Variants in LARGE1 observed in about 807,000 individuals in gnomAD.
The protein encoded by LARGE1 is xylosyl- and glucuronyltransferase LARGE1.
A neutral mutation model predicts 87.6 loss-of-function variants in LARGE1; 43 were observed. That is an observed-to-expected ratio of 0.49 (90% CI 0.38 to 0.63). LARGE1 has a LOEUF of 0.63. Among genes scored for constraint, LARGE1 ranks in the 30% least tolerant of loss-of-function variants. The probability of loss-of-function intolerance (pLI) is 0.00; values close to 1 mark genes in which losing one functional copy is unlikely to be tolerated. For synonymous variants in LARGE1, 434 were observed against 394.6 expected (o/e 1.10, Z -1.18); for missense variants, 802 against 1,000.2 (o/e 0.80, Z 2.67).
intron 11 of LARGE1, among the ~76,000 whole-genome samples, chr22:33,191,111 G>T (rs1923753591): frequency 6.6e-6 from 1 of 152,112 alleles, no homozygotes. Flanking sequence ...GACAGTTTAT[G>T]TATGTTTGCT....
intron 11 of LARGE1, among the ~76,000 whole-genome samples, chr22:33,257,157 A>C (rs1927335978): frequency 6.6e-6 from 1 of 152,168 alleles, no homozygotes; most frequent in African/African-American, 2.4e-5. Flanking sequence ...GTGAGCTGAG[A>C]TCGCACCATT....
intron 1 of LARGE1, among the ~76,000 whole-genome samples, chr22:33,789,353 G>A (rs1041401687): frequency 6.6e-6 from 1 of 152,228 alleles, no homozygotes; most frequent in Admixed American, 6.5e-5. Flanking sequence ...GGAAATGCCT[G>A]GATGTCCAGG....
At chr22:33,788,073 T>C (rs2085708085) in intron 1 of LARGE1, among the ~76,000 whole-genome samples, 1 of 152,196 alleles carries the variant, frequency 6.6e-6, no homozygotes, top group African/African-American at 2.4e-5. Flanking sequence ...ATACTTGGTA[T>C]TATTTGTTGG....
At chr22:33,279,627 A>G (rs966567410) in intron 13 of LARGE1, among the ~76,000 whole-genome samples, 9 of 152,220 alleles carry the variant, frequency 5.9e-5, no homozygotes, top group Admixed American at 5.2e-4. Context: ...AGCTCCATCA[A>G]CACAGCAACT....
At chr22:33,499,348 G>T (rs1436381776) in intron 6 of LARGE1, among the ~76,000 whole-genome samples, 5 of 152,174 alleles carry the variant, frequency 3.3e-5, no homozygotes, top group Non-Finnish European at 7.3e-5. Flanking sequence ...CAAAGTATGG[G>T]CCCTGTCTAA....
At chr22:33,810,298 C>T (rs1194280465) in intron 1 of LARGE1, among the ~76,000 whole-genome samples, 1 of 152,210 alleles carries the variant, frequency 6.6e-6, no homozygotes, top group Non-Finnish European at 1.5e-5. Context: ...CAAGGACTGG[C>T]TGAACCCAAA....
intron 2 of LARGE1, among the ~76,000 whole-genome samples, chr22:33,681,808 C>G (rs2081781334): frequency 6.6e-6 from 1 of 152,200 alleles, no homozygotes; most frequent in Non-Finnish European, 1.5e-5. Context: ...TAAAAATGTA[C>G]AGAGGCACAT....
the LARGE1 span, among the ~76,000 whole-genome samples, chr22:33,139,707 T>C: frequency 6.6e-6 from 1 of 152,246 alleles, no homozygotes; most frequent in Non-Finnish European, 1.5e-5. Flanking sequence ...ATGGTTTAGC[T>C]TGCTATTCTC....
chr22:33,104,573 C>T, the LARGE1 span, among the ~76,000 whole-genome samples: 1 of 152,290 alleles, frequency 6.6e-6, no homozygotes, highest in East Asian at 1.9e-4. Context: ...GATTTAAGCA[C>T]AACTGTGTGA....
rs539229369 is a variant in LARGE1, at chr22:33,776,533, A to G, written c.-82-14975T>C. On this transcript the variant is annotated intron_variant, in intron 1 of 14. Transcript: ENST00000397394. ...ATGTTTTTCTTCTGAATGTTAAATCAGCCCTTAATCACATCCATGGGACTA... is the reference window on the plus strand; with the variant it reads ...ATGTTTTTCTTCTGAATGTTAAATCGGCCCTTAATCACATCCATGGGACTA... 2.0e-5 allele frequency among the ~76,000 whole-genome samples: 3 copies of G among 152,362 alleles called. No homozygotes were observed. In the East Asian group the frequency reaches 5.8e-4, roughly 29 times the overall value.
chr22:33,615,553 C>T (rs751063292), intron 4 of LARGE1, among the ~76,000 whole-genome samples: 5 of 152,036 alleles, frequency 3.3e-5, no homozygotes, highest in Non-Finnish European at 5.9e-5. Flanking sequence ...AAGAAGGTGG[C>T]CATCTGCAAA....
In LARGE1 at chr22:33,399,245, T is replaced by C. The variant is rs147572905; in HGVS notation, c.893-14941A>G. 1.7e-3 allele frequency among the ~76,000 whole-genome samples: 266 copies of C among 152,288 alleles called. 1 individual carries two copies. Among genetic ancestry groups the C allele is most frequent in the African/African-American group, 6.2e-3 (257 of 41,554 alleles). On this transcript the variant is annotated intron_variant, in intron 7 of 14. Coordinates refer to ENST00000397394, the MANE Select transcript of LARGE1 (RefSeq NM_133642.5). ...AGTGAGAACAGGTGGTACTTGGTTT[T>C]CTCTTCCTGTGTTAGTTGCTGATAA...
At position 33,186,157 on chromosome 22, in the gene LARGE1, T is replaced by C. The variant is rs369317464; in HGVS notation, c.1731-19325A>G. ...CAGAAAATAAGGAAGAAACAACATT[T>C]TCCAATTCATTTTATAATGCCAGAA... On this transcript the variant is annotated intron_variant, in intron 11 of 11. Coordinates refer to the LARGE1 transcript ENST00000608642. Among the ~76,000 whole-genome samples, 22 of 152,266 alleles carry C rather than the reference T, an allele frequency of 1.4e-4. No homozygotes were observed. In the South Asian group the frequency reaches 2.9e-3, roughly 20 times the overall value.
intron 6 of LARGE1, among the ~76,000 whole-genome samples, chr22:33,550,547 A>C (rs977539208): frequency 1.2e-4 from 18 of 152,344 alleles, no homozygotes; most frequent in Admixed American, 4.6e-4. Context: ...TATTAAAGAC[A>C]AAAAATAACA....
chr22:33,179,591 T>C (rs1923056665), intron 11 of LARGE1, among the ~76,000 whole-genome samples: 1 of 152,208 alleles, frequency 6.6e-6, no homozygotes, highest in South Asian at 2.1e-4. Context: ...TGAAGTTACA[T>C]TGTGGCATCC....
chr22:33,662,142 T>C (rs2081145002), intron 2 of LARGE1, among the ~76,000 whole-genome samples: 1 of 150,896 alleles, frequency 6.6e-6, no homozygotes. Context: ...CAAATTTGTG[T>C]TGGGCCACAT....
At chr22:33,767,608 C>T (rs1347956146) in intron 1 of LARGE1, among the ~76,000 whole-genome samples, 1 of 151,952 alleles carries the variant, frequency 6.6e-6, no homozygotes, top group Admixed American at 6.6e-5. Flanking sequence ...ACATTCCAAG[C>T]GTGTGCGCCA....
At chr22:33,260,200 T>G (rs1232729237) in intron 11 of LARGE1, among the ~76,000 whole-genome samples, 1 of 151,752 alleles carries the variant, frequency 6.6e-6, no homozygotes, top group Non-Finnish European at 1.5e-5. Flanking sequence ...CCCCCCTGCC[T>G]CCTGACCCAC....
At chr22:33,263,015 C>A (rs538700220) in intron 11 of LARGE1, among the ~76,000 whole-genome samples, 1 of 152,008 alleles carries the variant, frequency 6.6e-6, no homozygotes, top group East Asian at 1.9e-4. Context: ...GCCTCAGCCT[C>A]CCAAGCAGCT....
Sources: gnomAD v4.1 joint callset for allele counts (sites outside exome capture counted in the v4.1 genomes callset) on GRCh38, gnomAD v4.1.1 for gene constraint, MANE v1.5 for transcripts, NCBI Gene and HGNC (gene_info 2026-07-23, HGNC 2026-07-21) for gene names.